GLI2: variants seen among roughly 807,000 people sequenced by gnomAD.
GLI2 encodes GLI family zinc finger 2, also known as transcription activator GLI2.
GLI2 carries 22 observed loss-of-function variants against 78.9 expected under a neutral mutation model. The ratio of observed to expected loss-of-function variants is 0.28; its 90% CI spans 0.20 to 0.40. The LOEUF is 0.40. Among genes scored for constraint, GLI2 ranks in the 10% least tolerant of loss-of-function variants. The probability of loss-of-function intolerance (pLI) is 1.00; values close to 1 mark genes in which losing one functional copy is unlikely to be tolerated. For synonymous variants in GLI2, 974 were observed against 963.7 expected, an observed-to-expected ratio of 1.01 and a Z score of -0.20; for missense variants, 2,097 against 2,213.2, an observed-to-expected ratio of 0.95 and a Z score of 1.05.
At chr2:120,816,822 A>G (rs1476854914) in intron 2 of GLI2, among the ~76,000 whole-genome samples, 1 of 152,204 alleles carries the variant, frequency 6.6e-6, no homozygotes, top group Non-Finnish European at 1.5e-5. Flanking sequence ...AGAGATAGAA[A>G]AGAGGAGGGT....
chr2:120,788,598 G>A (rs1414299671), intron 1 of GLI2, among the ~76,000 whole-genome samples: 1 of 152,208 alleles, frequency 6.6e-6, no homozygotes. Flanking sequence ...TTTCCCATTG[G>A]GGCCCTCCCT....
At chr2:120,923,568 A>G (rs192254514) in intron 2 of GLI2, among the ~76,000 whole-genome samples, 5,713 of 152,162 alleles carry the variant, frequency 0.038, 151 homozygotes, top group Non-Finnish European at 0.056. Context: ...ACACACATAC[A>G]CAGCAACACA....
chr2:120,990,643 G>C lies in GLI2; in HGVS notation c.4678G>C (p.Glu1560Gln), dbSNP rs770936696. ...GAGCTCCATGCTCACCAGCCTCGCC[G>C]AGGAGAGCAAGTTCCTGAACATGAT... ...DMSSMLTSLA[E>Q]ESKFLNMMT The change falls in exon 14 of 14, where the codon GAG (glutamate) becomes CAG (glutamine). Residue 1560 changes from glutamate (E) to glutamine (Q), a missense_variant. Physicochemically the swap from Glu to Gln is conservative, Grantham distance 29. Coordinates refer to ENST00000361492, the MANE Select transcript of GLI2 (RefSeq NM_001374353.1). 1.2e-6 allele frequency: 2 copies of C among 1,612,938 alleles called. No individual in the cohort carries two copies. The highest frequency in any genetic ancestry group is 1.7e-6 in the Non-Finnish European group (2 of 1,179,578).
chr2:120,757,315 A>G (rs1257895168), intron 1 of GLI2, among the ~76,000 whole-genome samples: 1 of 149,436 alleles, frequency 6.7e-6, no homozygotes, highest in African/African-American at 2.5e-5. Flanking sequence ...TTTTTGTCTT[A>G]CTATAAATAT....
intron 2 of GLI2, among the ~76,000 whole-genome samples, chr2:120,912,572 G>C (rs1678877770): frequency 6.6e-6 from 1 of 152,060 alleles, no homozygotes; most frequent in Non-Finnish European, 1.5e-5. Flanking sequence ...AGGGTGGTGG[G>C]AATGGCATGT....
chr2:120,782,291 T>TGGTA (rs1683872188), intron 1 of GLI2, among the ~76,000 whole-genome samples: 1 of 151,688 alleles, frequency 6.6e-6, no homozygotes, highest in African/African-American at 2.4e-5. Context: ...TTATGGCAGG[T>TGGTA]GGTAGACTTC....
chr2:120,809,684 T>A (rs981933838), intron 2 of GLI2, among the ~76,000 whole-genome samples: 3 of 152,192 alleles, frequency 2.0e-5, no homozygotes, highest in African/African-American at 7.2e-5. Context: ...TGTGCACCGC[T>A]ACCCCTCAGG....
chr2:120,962,669 T>C (rs4848667), intron 5 of GLI2, among the ~76,000 whole-genome samples: 121,446 of 152,100 alleles, frequency 0.8, 52,745 homozygotes, highest in East Asian at 1. Context: ...GGAGAAACCA[T>C]GGGAAATGAG....
intron 2 of GLI2, among the ~76,000 whole-genome samples, chr2:120,850,196 G>T (rs1687330281): frequency 6.6e-6 from 1 of 152,150 alleles, no homozygotes; most frequent in Admixed American, 6.5e-5. Flanking sequence ...CCCTCAGTGT[G>T]CCCAGCACTT....
intron 2 of GLI2, among the ~76,000 whole-genome samples, chr2:120,920,715 A>AT (rs11379346): frequency 0.96 from 144,186 of 150,456 alleles, 69,122 homozygotes; most frequent in East Asian, 1. Flanking sequence ...ACAAATGTGC[A>AT]TTTTTTTTTC....
chr2:120,810,169 G>C (rs1685170476), intron 2 of GLI2, among the ~76,000 whole-genome samples: 1 of 152,230 alleles, frequency 6.6e-6, no homozygotes, highest in African/African-American at 2.4e-5. Flanking sequence ...AGCCAGAGTG[G>C]CTTCAGGGGC....
intron 13 of GLI2, 69 bp downstream of exon 13, chr2:120,986,683 C>A: frequency 7.9e-7 from 1 of 1,262,868 alleles, no homozygotes; most frequent in Non-Finnish European, 1.1e-6. Context: ...TAGGCTGGCA[C>A]CCACCAAGCA....
intron 1 of GLI2, among the ~76,000 whole-genome samples, chr2:120,772,674 T>C (rs899060564): frequency 6.6e-6 from 1 of 152,250 alleles, no homozygotes; most frequent in African/African-American, 2.4e-5. Flanking sequence ...TGTGGACAAA[T>C]GTTTTAAGAG....
chr2:120,980,729 T>C (rs1480562443), intron 10 of GLI2, among the ~76,000 whole-genome samples: 1 of 152,214 alleles, frequency 6.6e-6, no homozygotes, highest in Non-Finnish European at 1.5e-5. Flanking sequence ...CTATGTTTTC[T>C]TCTAAGAGTT....
chr2:120,984,503 CAA>C lies in GLI2; in HGVS notation c.1666_1667del (p.Lys556GlufsTer29). 6.2e-7 allele frequency: 1 copy of C among 1,614,214 alleles called. No individual in the cohort carries two copies. The highest frequency in any genetic ancestry group is 8.5e-7 in the Non-Finnish European group (1 of 1,180,016). ...ACATCTGCAAGATCCCAGGCTGCAC[CAA>C]GAGATACACAGACCCCAGCTCTCTC... ...PYICKIPGCT[K>X]RYTDPSSLRK... is the part of the protein sequence containing the mutation. On this transcript the variant is annotated frameshift_variant, in exon 12 of 14. Transcript: ENST00000361492. LOFTEE classifies it high-confidence loss of function.
chr2:120,986,489 T>A lies in GLI2; in HGVS notation c.2117T>A (p.Met706Lys), dbSNP rs761281400. The A allele has an allele frequency of 6.2e-7, 1 of 1,614,070 alleles. No homozygotes were observed. The highest frequency in any genetic ancestry group is 8.5e-7 in the Non-Finnish European group (1 of 1,180,018). The change falls in exon 13 of 14, where the codon ATG (methionine) becomes AAG (lysine). Residue 706 changes from methionine (M) to lysine (K), a missense_variant. Around this residue, in one of 5 missense-constraint regions of GLI2, gnomAD observed 1,290 missense variants for 1,261.7 expected, o/e 1.02. Transcript: ENST00000361492. ...SAGGLQLRKH[M>K]TTMHRFEQLK... ...GGTGGCCTCCAGCTGCGCAAACACA[T>A]GACCACCATGCACCGGTTCGAGCAG...
At chr2:120,947,169 C>A (rs570437008) in intron 3 of GLI2, among the ~76,000 whole-genome samples, 1 of 152,320 alleles carries the variant, frequency 6.6e-6, no homozygotes, top group East Asian at 1.9e-4. Flanking sequence ...ACCCTGAGCC[C>A]TGCTTACCAC....
chr2:120,843,072 G>C (rs924167519), intron 2 of GLI2, among the ~76,000 whole-genome samples: 1 of 152,156 alleles, frequency 6.6e-6, no homozygotes, highest in Non-Finnish European at 1.5e-5. Flanking sequence ...TGTTTTTGAC[G>C]TAACCCAAGA....
At chr2:120,933,840 AGCCCTGCCCTGCCCT>A (rs56996797) in intron 3 of GLI2, among the ~76,000 whole-genome samples, 3,503 of 137,878 alleles carry the variant, frequency 0.025, 80 homozygotes, top group African/African-American at 0.057. Context: ...GGACCTTTCC[AGCCCTGCCCTGCCCT>A]GCCCTGCCCT....
Sources: allele counts gnomAD v4.1 joint callset (sites outside exome capture counted in the v4.1 genomes callset), GRCh38; gene constraint gnomAD v4.1.1; regional missense constraint gnomAD v4.1.1; transcripts MANE v1.5; gene names NCBI Gene and HGNC (gene_info 2026-07-23, HGNC 2026-07-21).